EHF: variants seen among roughly 807,000 people sequenced by gnomAD.
The protein encoded by EHF is ETS homologous factor, also known as ESE3 transcription factor.
Under a neutral mutation model 45.1 loss-of-function variants are expected in EHF, and 14 were observed. The observed-to-expected ratio is 0.31, with a 90% CI of 0.21 to 0.49. EHF has a LOEUF of 0.49. Among genes scored for constraint, EHF ranks in the 20% least tolerant of loss-of-function variants. The probability of loss-of-function intolerance (pLI) is 0.99; values close to 1 mark genes in which losing one functional copy is unlikely to be tolerated. For synonymous variants in EHF, 136 were observed against 131.8 expected, an observed-to-expected ratio of 1.03 and a Z score of -0.22; for missense variants, 282 against 371.4, an observed-to-expected ratio of 0.76 and a Z score of 1.98.
At chr11:34,637,899 C>CT (rs11415150) in intron 1 of EHF, among the ~76,000 whole-genome samples, 74,291 of 145,760 alleles carry the variant, frequency 0.51, 19,746 homozygotes, top group Admixed American at 0.6. Flanking sequence ...CATTTCACTC[C>CT]TTTTTTTTTT....
chr11:34,650,664 C>G (rs1354199335), intron 4 of EHF, among the ~76,000 whole-genome samples: 1 of 152,178 alleles, frequency 6.6e-6, no homozygotes, highest in Non-Finnish European at 1.5e-5. Context: ...AGAGATCTTA[C>G]AGCTTTTGGC....
At chr11:34,637,752 G>A (rs751804282) in intron 1 of EHF, among the ~76,000 whole-genome samples, 5 of 152,118 alleles carry the variant, frequency 3.3e-5, no homozygotes, top group Non-Finnish European at 4.4e-5. Context: ...GCCCAAAGAG[G>A]TGAAGTTTGG....
In EHF at chr11:34,658,651, A is replaced by G; in HGVS notation, c.726A>G (p.Ser242=). The change falls in exon 8 of 9, where the codon TCA becomes TCG. Residue 242 remains serine, a synonymous_variant. Coordinates refer to ENST00000257831, the MANE Select transcript of EHF (RefSeq NM_012153.6). ...AGGGCGTCTTCAGGTTCTTGAAATCAGAGGCAGTGGCTCAGCTATGGGGTA... is the reference window on the plus strand; with the variant it reads ...AGGGCGTCTTCAGGTTCTTGAAATCGGAGGCAGTGGCTCAGCTATGGGGTA... ...RSEGVFRFLK[S]EAVAQLWGKK... The G allele has an allele frequency of 1.9e-6, 3 of 1,613,848 alleles. No homozygotes were observed. Among genetic ancestry groups the G allele is most frequent in the Non-Finnish European group, 2.5e-6 (3 of 1,179,814 alleles).
rs1456721107 is a variant in EHF, at chr11:34,660,267, A to G, written c.*1336A>G. ...ATTTTCACTGGAATTACAAAGCAGAATTAAAATTATATTGTAGAAGGAAAC... is the reference window on the plus strand; with the variant it reads ...ATTTTCACTGGAATTACAAAGCAGAGTTAAAATTATATTGTAGAAGGAAAC... On this transcript the variant is annotated 3_prime_UTR_variant, in exon 9 of 9. Coordinates refer to ENST00000257831, the MANE Select transcript of EHF (RefSeq NM_012153.6). 6.6e-6 allele frequency: 1 copy of G among 152,166 alleles called. No homozygotes were observed. Among genetic ancestry groups the G allele is most frequent in the East Asian group, 1.9e-4 (1 of 5,198 alleles). 9.4% of individuals were successfully genotyped at this position (152,166 alleles called of 1,614,324 possible).
intron 1 of EHF, among the ~76,000 whole-genome samples, chr11:34,637,240 C>G (rs992733984): frequency 6.6e-6 from 1 of 152,086 alleles, no homozygotes; most frequent in African/African-American, 2.4e-5. Context: ...CTCTGTTCCC[C>G]CTGCTCCCCT....
chr11:34,631,780 G>A (rs1476602966), intron 1 of EHF, among the ~76,000 whole-genome samples: 1 of 152,080 alleles, frequency 6.6e-6, no homozygotes, highest in Non-Finnish European at 1.5e-5. Context: ...CACTTTAGGA[G>A]GTAACCTAGA....
In EHF at chr11:34,643,604, T is replaced by C. The variant is rs138029599; in HGVS notation, c.97+877T>C. 1.5e-4 allele frequency among the ~76,000 whole-genome samples: 23 copies of C among 152,202 alleles called. 1 individual carries two copies. The highest frequency in any genetic ancestry group is 1.5e-3 in the Admixed American group (23 of 15,300). On this transcript the variant is annotated intron_variant, in intron 2 of 8. Transcript: ENST00000257831. Reference sequence around the variant, plus strand: ...AATGGGAGAGTTATTCTGCAGCGAGTGCTAATCCATGTGGAGCTCCACCTC... The same window carrying C: ...AATGGGAGAGTTATTCTGCAGCGAGCGCTAATCCATGTGGAGCTCCACCTC...
At chr11:34,652,312 A>C (rs1052805884) in intron 6 of EHF, among the ~76,000 whole-genome samples, 3 of 152,150 alleles carry the variant, frequency 2.0e-5, no homozygotes, top group African/African-American at 7.2e-5. Flanking sequence ...TTTTAAGTCT[A>C]ATTCCGATGA....
At chr11:34,632,747 A>C in intron 1 of EHF, 2 of 1,413,038 alleles carry the variant, frequency 1.4e-6, no homozygotes, top group Admixed American at 2.0e-5. Flanking sequence ...AGCTCAGATG[A>C]CTTTGGAAGG....
intron 1 of EHF, chr11:34,642,312 A>C (rs1293102696): frequency 5.5e-6 from 1 of 181,508 alleles, no homozygotes; most frequent in South Asian, 1.6e-4. Context: ...AAAAAAAAAA[A>C]CTGCTTGGAT....
At chr11:34,632,583 C>A in intron 1 of EHF, 2 of 1,535,578 alleles carry the variant, frequency 1.3e-6, no homozygotes, top group Non-Finnish European at 1.7e-6. Context: ...TCTGTGAAGG[C>A]AAGGGCATGG....
At chr11:34,622,493 G>A in intron 1 of EHF, 2 of 817,422 alleles carry the variant, frequency 2.4e-6, no homozygotes, top group Non-Finnish European at 3.3e-6. Context: ...TAATTCCACT[G>A]GGGTCAGGGG....
At chr11:34,642,396 T>A (rs1326656195) in intron 1 of EHF, 4 of 434,596 alleles carry the variant, frequency 9.2e-6, no homozygotes, top group Admixed American at 3.4e-5. Flanking sequence ...ATTATTCATT[T>A]ATGAATGGGT....
chr11:34,630,595 G>T lies in EHF; in HGVS notation c.-4+9367G>T, dbSNP rs555004533. 5.9e-5 allele frequency among the ~76,000 whole-genome samples: 9 copies of T among 152,084 alleles called. No homozygotes were observed. In the South Asian group the frequency reaches 1.9e-3, roughly 32 times the overall value. On this transcript the variant is annotated intron_variant, in intron 1 of 8. Coordinates refer to ENST00000257831, the MANE Select transcript of EHF (RefSeq NM_012153.6). ...GACTCTTGAAATGGTCAAATCCATT[G>T]TCCTAGTTCATCCTGACCCCTCCCT...
intron 3 of EHF, among the ~76,000 whole-genome samples, chr11:34,648,811 T>C (rs1213135218): frequency 6.6e-6 from 1 of 152,220 alleles, no homozygotes; most frequent in East Asian, 1.9e-4. Context: ...TCTAAGGTAG[T>C]GCCTTAGATT....
Position 34,646,570 on chromosome 11 carries a change from GA to G in EHF, c.230del (p.Glu77GlyfsTer12). 1 of 1,613,776 alleles carries G rather than the reference GA, an allele frequency of 6.2e-7. No individual in the cohort carries two copies. Among genetic ancestry groups the G allele is most frequent in the Non-Finnish European group, 8.5e-7 (1 of 1,179,848 alleles). ...QLDANCIPFQ[E>X]FDINGEHLCS... Reference sequence around the variant, plus strand: ...GGATGCCAATTGTATCCCTTTCCAAGAGTTCGACATCAACGGCGAGCACCTC... The same window carrying G: ...GGATGCCAATTGTATCCCTTTCCAAGGTTCGACATCAACGGCGAGCACCTC... On this transcript the variant is annotated frameshift_variant, in exon 3 of 9. Transcript: ENST00000257831. LOFTEE classifies it high-confidence loss of function.
intron 3 of EHF, among the ~76,000 whole-genome samples, chr11:34,647,590 C>T (rs2134150638): frequency 6.6e-6 from 1 of 152,320 alleles, no homozygotes; most frequent in East Asian, 1.9e-4. Flanking sequence ...GGCCTGTCTG[C>T]ACTGGAAAAG....
At chr11:34,638,764 T>G (rs551054426) in intron 1 of EHF, among the ~76,000 whole-genome samples, 1 of 152,310 alleles carries the variant, frequency 6.6e-6, no homozygotes, top group East Asian at 1.9e-4. Context: ...TGGCTGAGGA[T>G]TCCTCCTCTG....
At chr11:34,645,050 G>T (rs1380269043) in intron 2 of EHF, among the ~76,000 whole-genome samples, 1 of 152,014 alleles carries the variant, frequency 6.6e-6, no homozygotes, top group Non-Finnish European at 1.5e-5. Context: ...CAGCTTGGTG[G>T]GATGCAATAG....
Sources: gnomAD v4.1 joint callset for allele counts (sites outside exome capture counted in the v4.1 genomes callset) on GRCh38, gnomAD v4.1.1 for gene constraint, MANE v1.5 for transcripts, NCBI Gene and HGNC (gene_info 2026-07-23, HGNC 2026-07-21) for gene names.